The following NPNT variants were observed in gnomAD, a reference collection of about 807,000 sequenced individuals.
The protein encoded by NPNT is preosteoblast EGF-like repeat protein with MAM domain.
In NPNT, 45 loss-of-function variants were observed where a neutral mutation model predicts 68.6. The ratio of observed to expected loss-of-function variants is 0.66; its 90% CI spans 0.52 to 0.84. The LOEUF (loss-of-function observed/expected upper bound fraction) is 0.84. Ranked by LOEUF, NPNT falls within the 40% of genes least tolerant of loss-of-function variation. The pLI is 0.00. For missense variants in NPNT, 672 were observed against 714.8 expected, an observed-to-expected ratio of 0.94 and a Z score of 0.68; for synonymous variants, 233 against 253.3, an observed-to-expected ratio of 0.92 and a Z score of 0.76.
intron 1 of NPNT, among the ~76,000 whole-genome samples, chr4:105,896,215 G>A (rs1490048176): frequency 2.6e-5 from 4 of 152,176 alleles, no homozygotes; most frequent in African/African-American, 9.6e-5. Flanking sequence ...CTGGGCTACG[G>A]GGGAGATTTG....
At chr4:105,967,110 A>C in intron 10 of NPNT, 78 bp from the exon 11 acceptor site, 3 of 1,419,528 alleles carry the variant, frequency 2.1e-6, no homozygotes, top group East Asian at 2.4e-5. Context: ...AAAAAAAAAA[A>C]CTAAAACTCC....
chr4:105,914,206 A>ATATATATATTATCAGTATATC (rs1727602102), intron 2 of NPNT, among the ~76,000 whole-genome samples: 1 of 149,084 alleles, frequency 6.7e-6, no homozygotes, highest in African/African-American at 2.5e-5. Context: ...GATACTATAT[A>ATATATATATTATCAGTATATC]TATATATATT....
At chr4:105,967,593 G>A (rs749492967) in intron 11 of NPNT, 149 bp downstream of exon 11, 2 of 642,664 alleles carry the variant, frequency 3.1e-6, no homozygotes, top group South Asian at 3.4e-5. Flanking sequence ...TCCATTCAGT[G>A]TCTCTTTCTG....
rs538487124 is a variant in NPNT, at chr4:105,896,293, G to A, written c.71+570G>A. Among the ~76,000 whole-genome samples the A allele has an allele frequency of 2.8e-4, 43 of 152,256 alleles. No individual in the cohort carries two copies. In the South Asian group the frequency reaches 8.5e-3, roughly 30 times the overall value. On this transcript the variant is annotated intron_variant, in intron 1 of 11. Coordinates refer to ENST00000379987, the MANE Select transcript of NPNT (RefSeq NM_001033047.3). ...ATGAGGACCGGAGGGTGGGCGCTCC[G>A]TGAATGTGAGCATGAGTGTGTGGAT... is the stretch of plus-strand genomic sequence containing the variant.
In NPNT at chr4:105,898,328, G is replaced by GTCTCTCTCTCTC. The variant is rs66945682; in HGVS notation, c.172+368_172+379dup. Among the ~76,000 whole-genome samples, 408 of 53,928 alleles carry GTCTCTCTCTCTC rather than the reference G, an allele frequency of 7.6e-3. 20 individuals carry two copies. The highest frequency in any genetic ancestry group is 0.014 in the Middle Eastern group (1 of 70). The allele number at this position is 53,928 out of a possible 152,430, so 35.4% of individuals were successfully genotyped here. A position where few individuals can be genotyped will look rare whatever the true frequency, so the allele number is the denominator to read the frequency against. The stretch of plus-strand genomic sequence containing the variant: ...TCTCTCTCTGTCTCTCTCTCTCTCT[G>GTCTCTCTCTCTC]TCTCTCTCTCTCTCTCTCTCTCTCT... On this transcript the variant is annotated intron_variant, in intron 2 of 11. Transcript: ENST00000379987.
chr4:105,920,243 T>C (rs1299983486), intron 2 of NPNT, among the ~76,000 whole-genome samples: 3 of 151,864 alleles, frequency 2.0e-5, no homozygotes, highest in African/African-American at 7.3e-5. Flanking sequence ...GAGTGCTTAA[T>C]TGCTTTTTGC....
chr4:105,959,116 G>C lies in NPNT; in HGVS notation c.1335G>C (p.Arg445Ser). ...KDNDLHWEPIRDPAGGQYLTV... is the reference protein window; with the variant it reads ...KDNDLHWEPISDPAGGQYLTV... Reference sequence around the variant, plus strand: ...ATGACTTGCACTGGGAACCAATCAGGGACCCAGCAGGTAAAACCATTTCAT... The same window carrying C: ...ATGACTTGCACTGGGAACCAATCAGCGACCCAGCAGGTAAAACCATTTCAT... The change falls in exon 10 of 12, where the codon AGG becomes AGC. Residue 445 changes from arginine (R) to serine (S), a missense_variant. By Grantham distance (110) the Arg-to-Ser change is moderately radical. Coordinates refer to ENST00000379987, the MANE Select transcript of NPNT (RefSeq NM_001033047.3). 1 of 1,608,440 alleles carries C rather than the reference G, an allele frequency of 6.2e-7. No homozygotes were observed. The highest frequency in any genetic ancestry group is 1.3e-5 in the African/African-American group (1 of 74,884).
Position 105,938,343 on chromosome 4 carries a change from A to C in NPNT, c.428A>C (p.Asp143Ala), listed in dbSNP as rs746290947. 1 of 1,613,616 alleles carries C rather than the reference A, an allele frequency of 6.2e-7. No homozygotes were observed. Among genetic ancestry groups the C allele is most frequent in the Non-Finnish European group, 8.5e-7 (1 of 1,179,792 alleles). ...CSMANCQYGCDVVKGQIRCQC... is the reference protein window; with the variant it reads ...CSMANCQYGCAVVKGQIRCQC... Reference sequence around the variant, plus strand: ...ATGGCAAACTGTCAGTATGGCTGTGATGTTGTTAAAGGACAAATACGGTGC... The same window carrying C: ...ATGGCAAACTGTCAGTATGGCTGTGCTGTTGTTAAAGGACAAATACGGTGC... Residue 143 changes from aspartate to alanine, a missense_variant, in exon 5 of 12, where the codon GAT becomes GCT. Coordinates refer to ENST00000379987, the MANE Select transcript of NPNT (RefSeq NM_001033047.3).
intron 2 of NPNT, among the ~76,000 whole-genome samples, chr4:105,926,069 C>T (rs1053696841): frequency 9.9e-5 from 15 of 152,150 alleles, no homozygotes; most frequent in African/African-American, 3.4e-4. Flanking sequence ...AACTAAACAG[C>T]GGCTTACTTG....
chr4:105,966,487 A>G (rs1732148754), intron 10 of NPNT, among the ~76,000 whole-genome samples: 1 of 152,212 alleles, frequency 6.6e-6, no homozygotes, highest in South Asian at 2.1e-4. Flanking sequence ...TAGAATAGAT[A>G]TGATATAGAT....
At chr4:105,902,468 C>G (rs1336646737) in intron 2 of NPNT, among the ~76,000 whole-genome samples, 1 of 152,166 alleles carries the variant, frequency 6.6e-6, no homozygotes, top group Non-Finnish European at 1.5e-5. Flanking sequence ...ATTCTGGGGC[C>G]AGCTTGGTGG....
intron 8 of NPNT, among the ~76,000 whole-genome samples, chr4:105,951,870 T>A (rs1478347359): frequency 1.3e-5 from 2 of 152,208 alleles, no homozygotes; most frequent in Non-Finnish European, 2.9e-5. Flanking sequence ...AATAGAGTTA[T>A]AATTTACAAG....
At chr4:105,938,511 A>G (rs1729679923) in intron 5 of NPNT, 91 bp downstream of exon 5, 1 of 1,281,594 alleles carries the variant, frequency 7.8e-7, no homozygotes, top group Non-Finnish European at 1.1e-6. Flanking sequence ...AAAAAAGGCA[A>G]TTACTTACAT....
chr4:105,905,656 TC>T (rs1254483245), intron 2 of NPNT, among the ~76,000 whole-genome samples: 1 of 152,190 alleles, frequency 6.6e-6, no homozygotes, highest in Non-Finnish European at 1.5e-5. Flanking sequence ...AATTTAAAAA[TC>T]CCCTATTTAT....
In NPNT at chr4:105,969,998, T is replaced by A. The variant is rs1392932985; in HGVS notation, c.*1008T>A. 6.0e-6 allele frequency: 1 copy of A among 167,990 alleles called. No homozygotes were observed. Among genetic ancestry groups the A allele is most frequent in the East Asian group, 1.7e-4 (1 of 5,822 alleles). The allele number at this position is 167,990 out of a possible 1,614,324, so 10.4% of individuals were successfully genotyped here. On this transcript the variant is annotated 3_prime_UTR_variant, in exon 12 of 12. Coordinates refer to ENST00000379987, the MANE Select transcript of NPNT (RefSeq NM_001033047.3). Reference sequence around the variant, plus strand: ...GTAGGAAGCTTTATAAAAGTTTTGGTTGATTCAGAAAAAGGATCCTGTTGC... The same window carrying A: ...GTAGGAAGCTTTATAAAAGTTTTGGATGATTCAGAAAAAGGATCCTGTTGC...
intron 8 of NPNT, among the ~76,000 whole-genome samples, chr4:105,945,809 C>T (rs1191347597): frequency 3.9e-5 from 6 of 152,102 alleles, no homozygotes; most frequent in African/African-American, 1.4e-4. Context: ...TCCTCTAGTG[C>T]TTTTACTGTG....
In NPNT at chr4:105,967,330, A is replaced by T; in HGVS notation, c.1488A>T (p.Thr496=). 6.2e-7 allele frequency: 1 copy of T among 1,611,016 alleles called. No individual in the cohort carries two copies. The highest frequency in any genetic ancestry group is 1.1e-5 in the South Asian group (1 of 90,690). Residue 496 remains threonine (T), a synonymous_variant, in exon 11 of 12, where the codon ACA becomes ACT. Coordinates refer to ENST00000379987, the MANE Select transcript of NPNT (RefSeq NM_001033047.3). ...RHKVTGLHSG[T]LQVFVRKHGA... is the part of the protein sequence containing the mutation. ...AGGTGACGGGGCTGCACTCTGGCAC[A>T]CTCCAGGTGTTTGTGAGAAAACACG...
At chr4:105,958,960 T>C in intron 9 of NPNT, 68 bp from the exon 10 acceptor site, 1 of 978,298 alleles carries the variant, frequency 1.0e-6, no homozygotes, top group South Asian at 1.3e-5. Context: ...TACCCCTAGT[T>C]CATAGATTCA....
At chr4:105,918,276 A>G (rs771238537) in intron 2 of NPNT, among the ~76,000 whole-genome samples, 4 of 152,224 alleles carry the variant, frequency 2.6e-5, no homozygotes, top group Admixed American at 6.5e-5. Flanking sequence ...TAATTAATGT[A>G]TACTTCAACT....
Sources: gnomAD v4.1 joint callset for allele counts (sites outside exome capture counted in the v4.1 genomes callset) on GRCh38, gnomAD v4.1.1 for gene constraint, MANE v1.5 for transcripts, NCBI Gene and HGNC (gene_info 2026-07-23, HGNC 2026-07-21) for gene names.